The following EDNRB variants were observed in gnomAD, a reference collection of about 807,000 sequenced individuals.
EDNRB encodes the protein endothelin receptor type B.
In EDNRB, 18 loss-of-function variants were observed where a neutral mutation model predicts 46.4. The observed-to-expected ratio is 0.39, with a 90% CI of 0.27 to 0.57. EDNRB has a LOEUF of 0.57. EDNRB is among the 20% of genes least tolerant of loss of function. The pLI, the probability that EDNRB is intolerant of heterozygous loss-of-function variation, is 0.61. For missense variants in EDNRB, 434 were observed against 537.5 expected (o/e 0.81, Z 1.90); for synonymous variants, 213 against 204.9 (o/e 1.04, Z -0.34).
At chr13:77,909,253 A>G (rs1053556782) in intron 1 of EDNRB, among the ~76,000 whole-genome samples, 16 of 152,082 alleles carry the variant, frequency 1.1e-4, no homozygotes, top group African/African-American at 3.9e-4. Context: ...AAATTATTCT[A>G]TTACATTATA....
intron 1 of EDNRB, among the ~76,000 whole-genome samples, chr13:77,944,420 T>C (rs1205967781): frequency 6.6e-6 from 1 of 152,032 alleles, no homozygotes; most frequent in African/African-American, 2.4e-5. Context: ...AACTCACTGC[T>C]CCCAAAACAA....
chr13:77,935,426 G>C (rs1312564979), intron 1 of EDNRB, among the ~76,000 whole-genome samples: 1 of 152,146 alleles, frequency 6.6e-6, no homozygotes, highest in African/African-American at 2.4e-5. Flanking sequence ...AAAGGATTTA[G>C]GATCTATGGG....
rs142736276 is a variant in EDNRB at position 77,911,673 on chromosome 13, C to T, written c.483+6418G>A. On this transcript the variant is annotated intron_variant, in intron 1 of 6. Coordinates refer to ENST00000646607, the MANE Select transcript of EDNRB (RefSeq NM_001122659.3). ...TCCCTTCACGCCTTCTCCTCTCTCT[C>T]TCCCTCTCTCCCATCCACCACCACA... 1.6e-3 allele frequency among the ~76,000 whole-genome samples: 237 copies of T among 152,178 alleles called. 5 individuals are homozygous for T. The East Asian group carries it at 0.041, about 27-fold the overall frequency.
chr13:77,950,569 T>C (rs1287257049), intron 1 of EDNRB, among the ~76,000 whole-genome samples: 1 of 152,246 alleles, frequency 6.6e-6, no homozygotes, highest in Non-Finnish European at 1.5e-5. Flanking sequence ...CTAGTATGTC[T>C]AGCTCTTTTT....
rs2296281 is a variant in EDNRB at position 77,900,355 on chromosome 13, C to G, written c.1085+166G>C. Among the ~76,000 whole-genome samples, 21,057 of 151,914 alleles carry G rather than the reference C, an allele frequency of 0.14. 1,934 individuals are homozygous for G. Among genetic ancestry groups the G allele is most frequent in the African/African-American group, 0.25 (10,331 of 41,454 alleles). On this transcript the variant is annotated intron_variant, in intron 5 of 6. Transcript: ENST00000646607. ...TGTACCCAGTGTTCTTCATACCCCC[C>G]CTTCCCTGTCCCTCTCAACAGGACC...
At chr13:77,959,006 G>A (rs1223578495) in intron 1 of EDNRB, among the ~76,000 whole-genome samples, 3 of 152,204 alleles carry the variant, frequency 2.0e-5, no homozygotes, top group African/African-American at 4.8e-5. Context: ...AGGGATTGTG[G>A]AGATGACAAG....
At chr13:77,958,952 G>T (rs1176018784) in intron 1 of EDNRB, among the ~76,000 whole-genome samples, 9 of 152,204 alleles carry the variant, frequency 5.9e-5, no homozygotes, top group Non-Finnish European at 1.0e-4. Flanking sequence ...GCCTGCAATG[G>T]AAGGACAATA....
intron 1 of EDNRB, among the ~76,000 whole-genome samples, chr13:77,952,592 C>G (rs2137675654): frequency 6.6e-6 from 1 of 152,010 alleles, no homozygotes; most frequent in South Asian, 2.1e-4. Context: ...CTAATTTAAC[C>G]CAAGAAAAAT....
Position 77,903,536 on chromosome 13 carries a change from C to T in EDNRB, c.555G>A (p.Val185=), listed in dbSNP as rs1879112940. The T allele has an allele frequency of 6.2e-7, 1 of 1,612,930 alleles. No individual in the cohort carries two copies. Among genetic ancestry groups the T allele is most frequent in the Non-Finnish European group, 8.5e-7 (1 of 1,179,326 alleles). ...KLVPFIQKAS[V]GITVLSLCAL... ...CACATAGACTCAGCACAGTGATTCC[C>T]ACAGAGGCTTTCTGTATGAAAGGCA... Residue 185 remains valine, a synonymous_variant, in exon 2 of 7, where the codon GTG becomes GTA. Transcript: ENST00000646607.
chr13:77,938,679 G>A (rs146471965), intron 1 of EDNRB, among the ~76,000 whole-genome samples: 2 of 152,286 alleles, frequency 1.3e-5, no homozygotes, highest in East Asian at 3.9e-4. Context: ...TGGATCCACA[G>A]ATAAAACGTG....
At chr13:77,936,043 C>T (rs575737105) in intron 1 of EDNRB, among the ~76,000 whole-genome samples, 114 of 152,234 alleles carry the variant, frequency 7.5e-4, no homozygotes, top group African/African-American at 2.6e-3. Flanking sequence ...AGGCTTTCAT[C>T]CTTTTAAAGC....
chr13:77,901,454 T>C (rs1312012886), intron 3 of EDNRB, among the ~76,000 whole-genome samples: 2 of 152,010 alleles, frequency 1.3e-5, no homozygotes, highest in Non-Finnish European at 2.9e-5. Flanking sequence ...GCACAAAAAC[T>C]TAAGTAGTTA....
At chr13:77,914,754 C>T (rs1450896399) in intron 1 of EDNRB, among the ~76,000 whole-genome samples, 2 of 152,220 alleles carry the variant, frequency 1.3e-5, no homozygotes, top group African/African-American at 2.4e-5. Flanking sequence ...TTTCCCAATG[C>T]TTTTCAGCTT....
At chr13:77,947,855 ATCC>A (rs1880976760) in intron 1 of EDNRB, 1 of 151,414 alleles carries the variant, frequency 6.6e-6, no homozygotes, top group African/African-American at 2.4e-5. Context: ...GCCTCAAGCA[ATCC>A]TCCTGCCTCA....
chr13:77,967,489 T>C (rs571652710), intron 1 of EDNRB, among the ~76,000 whole-genome samples: 2 of 152,324 alleles, frequency 1.3e-5, no homozygotes, highest in Non-Finnish European at 2.9e-5. Context: ...TTTGAGCAAC[T>C]ACATTATTGT....
intron 1 of EDNRB, among the ~76,000 whole-genome samples, chr13:77,960,457 G>A (rs1881370829): frequency 6.6e-6 from 1 of 152,090 alleles, no homozygotes; most frequent in Non-Finnish European, 1.5e-5. Context: ...AAGTGAAGGA[G>A]AAATAAAATC....
intron 1 of EDNRB, among the ~76,000 whole-genome samples, chr13:77,913,351 C>T (rs1879666533): frequency 6.6e-6 from 1 of 152,122 alleles, no homozygotes; most frequent in African/African-American, 2.4e-5. Flanking sequence ...TAATAGTAGC[C>T]TACAGTTCTT....
chr13:77,904,244 G>T (rs1300507558), intron 1 of EDNRB, among the ~76,000 whole-genome samples: 2 of 151,822 alleles, frequency 1.3e-5, no homozygotes, highest in Non-Finnish European at 2.9e-5. Context: ...TCTCCTTCAG[G>T]TCTTACTCAA....
intron 1 of EDNRB, among the ~76,000 whole-genome samples, chr13:77,914,583 G>A (rs1384203311): frequency 6.6e-6 from 1 of 152,172 alleles, no homozygotes; most frequent in African/African-American, 2.4e-5. Context: ...TGAGTTTAAA[G>A]TTCTTCAGCA....
Sources: allele counts gnomAD v4.1 joint callset (sites outside exome capture counted in the v4.1 genomes callset), GRCh38; gene constraint gnomAD v4.1.1; transcripts MANE v1.5; gene names NCBI Gene and HGNC (gene_info 2026-07-23, HGNC 2026-07-21).